Variants in SS18L1 observed in about 807,000 individuals in gnomAD.
SS18L1 encodes calcium-responsive transactivator.
In SS18L1, 32 loss-of-function variants were observed where a neutral mutation model predicts 70.3. The ratio of observed to expected loss-of-function variants is 0.46; its 90% CI spans 0.34 to 0.61. SS18L1 has a LOEUF of 0.61. Ranked by LOEUF, SS18L1 falls within the 20% of genes least tolerant of loss-of-function variation. The probability of loss-of-function intolerance (pLI) is 0.01; values close to 1 mark genes in which losing one functional copy is unlikely to be tolerated. For missense variants in SS18L1, 430 were observed against 542.1 expected (o/e 0.79, Z 2.05); for synonymous variants, 237 against 229.7 (o/e 1.03, Z -0.29).
At chr20:62,168,496 T>C (rs771365671) in intron 8 of SS18L1, among the ~76,000 whole-genome samples, 3 of 152,036 alleles carry the variant, frequency 2.0e-5, no homozygotes, top group Non-Finnish European at 4.4e-5. Context: ...TAAAGAACTT[T>C]CCAGGCCGGG....
At chr20:62,150,839 G>A (rs950062547) in intron 1 of SS18L1, among the ~76,000 whole-genome samples, 3 of 150,266 alleles carry the variant, frequency 2.0e-5, no homozygotes, top group Admixed American at 6.6e-5. Flanking sequence ...CAGCGGGAGC[G>A]AAACGTTATC....
chr20:62,153,243 A>G (rs1410496443), intron 1 of SS18L1, among the ~76,000 whole-genome samples: 1 of 152,156 alleles, frequency 6.6e-6, no homozygotes, highest in Non-Finnish European at 1.5e-5. Flanking sequence ...CCATCCATCT[A>G]ATTTCTTCCC....
chr20:62,171,534 C>T (rs1340485231), intron 8 of SS18L1, among the ~76,000 whole-genome samples: 2 of 152,186 alleles, frequency 1.3e-5, no homozygotes, highest in Non-Finnish European at 2.9e-5. Context: ...GGAATAAGAG[C>T]GTGTGTTAGT....
chr20:62,179,730 G>GGGGGCCCCC lies in SS18L1; in HGVS notation c.*522_*523insGGGGCCCCC. 1 of 96,714 alleles carries GGGGGCCCCC rather than the reference G, an allele frequency of 1.0e-5. No individual in the cohort carries two copies. Among genetic ancestry groups the GGGGGCCCCC allele is most frequent in the Non-Finnish European group, 2.0e-5 (1 of 48,822 alleles). The allele number at this position is 96,714 out of a possible 1,614,324, so 6.0% of individuals were successfully genotyped here. ...GTGCCTCGATGGGGTGGGTGGGAGG[G>GGGGGCCCCC]CATCTTCTGTGCGTTGGGTCAGTTT... On this transcript the variant is annotated 3_prime_UTR_variant, in exon 11 of 11. Transcript: ENST00000331758.
At chr20:62,157,044 C>T (rs977243175) in intron 1 of SS18L1, among the ~76,000 whole-genome samples, 3 of 150,220 alleles carry the variant, frequency 2.0e-5, no homozygotes, top group Admixed American at 6.6e-5. Context: ...TCCCATACCC[C>T]CTCTCTCCTC....
At chr20:62,166,330 G>A (rs1014675479) in intron 8 of SS18L1, among the ~76,000 whole-genome samples, 5 of 152,238 alleles carry the variant, frequency 3.3e-5, no homozygotes, top group African/African-American at 1.2e-4. Flanking sequence ...TCCCACTGCA[G>A]GGCTGCAATT....
Position 62,174,719 on chromosome 20 carries a change from C to T in SS18L1, c.1164+75C>T. ...GACATAATGAAGATTTCTCTTATGG[C>T]CATGAGGAATAATGAGCTGGAACTA... On this transcript the variant is annotated intron_variant, in intron 10 of 10. Coordinates refer to ENST00000331758, the MANE Select transcript of SS18L1 (RefSeq NM_198935.3). The surrounding 1 kb of genome is among the most constrained non-coding windows in gnomAD (Gnocchi z 4.1). 2 of 1,611,464 alleles carry T rather than the reference C, an allele frequency of 1.2e-6. No individual in the cohort carries two copies. Among genetic ancestry groups the T allele is most frequent in the Non-Finnish European group, 1.7e-6 (2 of 1,179,492 alleles).
chr20:62,177,210 G>A (rs187615608), intron 10 of SS18L1, among the ~76,000 whole-genome samples: 4 of 152,258 alleles, frequency 2.6e-5, no homozygotes, highest in Non-Finnish European at 5.9e-5. Flanking sequence ...AGATAGAGAC[G>A]GAGGTTGCAG....
At chr20:62,151,907 GA>G (rs2057138807) in intron 1 of SS18L1, among the ~76,000 whole-genome samples, 6 of 112,184 alleles carry the variant, frequency 5.3e-5, no homozygotes, top group Admixed American at 1.1e-4. Context: ...CCGATCCCCA[GA>G]GCTGGCCTCC....
intron 1 of SS18L1, among the ~76,000 whole-genome samples, chr20:62,156,153 G>C (rs919431057): frequency 6.6e-6 from 1 of 152,082 alleles, no homozygotes; most frequent in African/African-American, 2.4e-5. Context: ...TGCGCCCCCC[G>C]GCCCATCCCG....
intron 10 of SS18L1, among the ~76,000 whole-genome samples, chr20:62,177,117 G>A (rs2057632612): frequency 6.6e-6 from 1 of 152,130 alleles, no homozygotes; most frequent in African/African-American, 2.4e-5. Flanking sequence ...AGAACCACTG[G>A]GCTACACTTA....
intron 1 of SS18L1, among the ~76,000 whole-genome samples, chr20:62,147,125 C>T (rs2057044936): frequency 6.6e-6 from 1 of 152,158 alleles, no homozygotes; most frequent in South Asian, 2.1e-4. Context: ...AACCATGGGG[C>T]AGGGGCAGGG....
intron 1 of SS18L1, among the ~76,000 whole-genome samples, chr20:62,152,430 G>A (rs987779245): frequency 2.6e-5 from 4 of 152,308 alleles, no homozygotes; most frequent in East Asian, 1.9e-4. Context: ...CCCTCACCTC[G>A]GGAGGCCTCA....
rs1053312806 is a variant in SS18L1 at position 62,180,948 on chromosome 20, G to C, written c.*1740G>C. The C allele has an allele frequency of 5.6e-6, 1 of 178,992 alleles. No individual in the cohort carries two copies. Among genetic ancestry groups the C allele is most frequent in the African/African-American group, 2.4e-5 (1 of 42,286 alleles). 11.1% of individuals were successfully genotyped at this position (178,992 alleles called of 1,614,324 possible). A position where few individuals can be genotyped will look rare whatever the true frequency, so the allele number is the denominator to read the frequency against. On this transcript the variant is annotated 3_prime_UTR_variant, in exon 11 of 11. Coordinates refer to ENST00000331758, the MANE Select transcript of SS18L1 (RefSeq NM_198935.3). ...TAAGTTAAAATTAATTCTTTATCCA[G>C]AGTCGGGTGCTTTAGAATTTATAAG...
At chr20:62,178,878 A>G (rs559944170) in intron 10 of SS18L1, among the ~76,000 whole-genome samples, 2 of 152,200 alleles carry the variant, frequency 1.3e-5, no homozygotes, top group Non-Finnish European at 2.9e-5. Context: ...CAGTGGGGCC[A>G]GCTTGGAGGA....
At position 62,143,779 on chromosome 20, in the gene SS18L1, T is replaced by A; in HGVS notation, c.-42T>A. ...CTCGGGCCGCCCAGCGCAGCCGGAG[T>A]ATCCACCTCGATGACCACGGGCTGA... is the stretch of plus-strand genomic sequence containing the variant. On this transcript the variant is annotated 5_prime_UTR_variant, in exon 1 of 11. Transcript: ENST00000331758. 1 of 1,307,780 alleles carries A rather than the reference T, an allele frequency of 7.6e-7. No individual in the cohort carries two copies. The highest frequency in any genetic ancestry group is 1.0e-6 in the Non-Finnish European group (1 of 996,042). 81.0% of individuals were successfully genotyped at this position (1,307,780 alleles called of 1,614,324 possible).
intron 5 of SS18L1, 148 bp downstream of exon 5, chr20:62,163,079 C>T: frequency 1.8e-6 from 2 of 1,086,674 alleles, no homozygotes; most frequent in Non-Finnish European, 1.3e-6. Context: ...TGGCCGCTGC[C>T]TCTGAGAGCT....
rs1490813745 is a variant in SS18L1, at chr20:62,181,499, T to C, written c.*2291T>C. On this transcript the variant is annotated 3_prime_UTR_variant, in exon 11 of 11. Transcript: ENST00000331758. ...TGTGTTTGTGTGTTTTTTTAAGTGC[T>C]GTATTAATAATACTTTCTGAAAGAA... 6 of 213,236 alleles carry C rather than the reference T, an allele frequency of 2.8e-5. No individual in the cohort carries two copies. Among genetic ancestry groups the C allele is most frequent in the Non-Finnish European group, 4.7e-5 (5 of 105,370 alleles). The allele number at this position is 213,236 out of a possible 1,614,324, so 13.2% of individuals were successfully genotyped here.
intron 1 of SS18L1, among the ~76,000 whole-genome samples, chr20:62,150,633 A>AATTTTTTTTTTT (rs1199902967): frequency 2.6e-4 from 15 of 58,054 alleles, no homozygotes; most frequent in Non-Finnish European, 4.2e-4. Flanking sequence ...ATTGAGGTGG[A>AATTTTTTTTTTT]TTTTTTTTTT....
Sources: gnomAD v4.1 joint callset for allele counts (sites outside exome capture counted in the v4.1 genomes callset) on GRCh38, gnomAD v4.1.1 for gene constraint, Gnocchi (gnomAD v3.1) non-coding constraint, MANE v1.5 for transcripts, NCBI Gene and HGNC (gene_info 2026-07-23, HGNC 2026-07-21) for gene names.